The following ENPP1 variants were observed in gnomAD, a reference collection of about 807,000 sequenced individuals.
ENPP1 encodes the protein ectonucleotide pyrophosphatase/phosphodiesterase 1, also known as ectonucleotide pyrophosphatase/phosphodiesterase family member 1.
ENPP1 carries 73 observed loss-of-function variants against 122.8 expected under a neutral mutation model. The observed-to-expected ratio is 0.59, with a 90% CI of 0.49 to 0.72. The LOEUF is 0.72. Ranked by LOEUF, ENPP1 falls within the 30% of genes least tolerant of loss-of-function variation. ENPP1 has a pLI of 0.00. For synonymous variants in ENPP1, 367 were observed against 391.6 expected (o/e 0.94, Z 0.74); for missense variants, 978 against 1,128.1 (o/e 0.87, Z 1.91).
rs1272473347 is a variant in ENPP1, at chr6:131,808,205, A to T, written c.170A>T (p.Glu57Val). The T allele has an allele frequency of 6.6e-7, 1 of 1,509,424 alleles. No individual in the cohort carries two copies. The highest frequency in any genetic ancestry group is 8.9e-7 in the Non-Finnish European group (1 of 1,128,938). 93.5% of individuals were successfully genotyped at this position (1,509,424 alleles called of 1,614,324 possible). A position where few individuals can be genotyped will look rare whatever the true frequency, so the allele number is the denominator to read the frequency against. ...TTGCTGGCCCCTATGGACGTGGGGG[A>T]GGAGCCGCTGGAGAAGGCGGCGCGC... is the stretch of plus-strand genomic sequence containing the variant. ...ASLLAPMDVGEEPLEKAARAR... is the reference protein window; with the variant it reads ...ASLLAPMDVGVEPLEKAARAR... Residue 57 changes from glutamate (E) to valine (V), a missense_variant, in exon 1 of 25, where the codon GAG (glutamate) becomes GTG (valine). Around this residue, in one of 3 missense-constraint regions of ENPP1, gnomAD observed 330 missense variants for 328.5 expected, o/e 1.00. Coordinates refer to ENST00000647893, the MANE Select transcript of ENPP1 (RefSeq NM_006208.3).
At chr6:131,846,488 C>T (rs1562518543) in intron 1 of ENPP1, among the ~76,000 whole-genome samples, 2 of 152,038 alleles carry the variant, frequency 1.3e-5, no homozygotes, top group South Asian at 2.1e-4. Flanking sequence ...GCCATCATTT[C>T]CCCCCCATTC....
Position 131,877,003 on chromosome 6 carries a change from T to G in ENPP1, c.1735T>G (p.Leu579Val), listed in dbSNP as rs144209970. The G allele has an allele frequency of 1.2e-6, 2 of 1,613,980 alleles. No homozygotes were observed. Among genetic ancestry groups the G allele is most frequent in the Non-Finnish European group, 1.7e-6 (2 of 1,179,970 alleles). Reference protein sequence around the residue: ...VYNLMCDLLNLTPAPNNGTHG... With the variant: ...VYNLMCDLLNVTPAPNNGTHG... ...TTGAAATTATGCAGATTTACTGAAT[T>G]TGACACCGGCTCCTAATAACGGAAC... Residue 579 changes from leucine (L) to valine (V), a missense_variant, in exon 18 of 25, where the codon TTG becomes GTG. Coordinates refer to ENST00000647893, the MANE Select transcript of ENPP1 (RefSeq NM_006208.3).
chr6:131,834,696 A>G (rs1781652761), intron 1 of ENPP1, among the ~76,000 whole-genome samples: 1 of 151,134 alleles, frequency 6.6e-6, no homozygotes, highest in African/African-American at 2.4e-5. Flanking sequence ...ACGCCCAGCT[A>G]ATTTTTTTTT....
intron 5 of ENPP1, among the ~76,000 whole-genome samples, chr6:131,852,791 G>A (rs902493400): frequency 1.3e-5 from 2 of 151,768 alleles, no homozygotes; most frequent in Non-Finnish European, 1.5e-5. Flanking sequence ...AGAAAATTTA[G>A]CTTCTTTTTT....
At chr6:131,808,373 C>G in intron 1 of ENPP1, 98 bp downstream of exon 1, 1 of 1,339,640 alleles carries the variant, frequency 7.5e-7, no homozygotes, top group Non-Finnish European at 9.7e-7. Flanking sequence ...CACCGGGCAC[C>G]GGAGAGAGGC....
intron 2 of ENPP1, among the ~76,000 whole-genome samples, chr6:131,849,605 G>A (rs1306634324): frequency 1.3e-5 from 2 of 152,222 alleles, no homozygotes; most frequent in African/African-American, 4.8e-5. Context: ...TGAAATTTTA[G>A]GGAACCCCAT....
chr6:131,864,644 C>T lies in ENPP1; in HGVS notation c.1091+73C>T, dbSNP rs149295210. ...TGATATACTATTTTAAAATAGACTA[C>T]AACAAAACTTTGCTATTTGCTATGA... On this transcript the variant is annotated intron_variant, in intron 10 of 24. Transcript: ENST00000647893. The T allele has an allele frequency of 1.2e-4, 134 of 1,093,600 alleles. 1 individual carries two copies. In the African/African-American group the frequency reaches 1.4e-3, roughly 11 times the overall value. 67.7% of individuals were successfully genotyped at this position (1,093,600 alleles called of 1,614,324 possible).
intron 24 of ENPP1, among the ~76,000 whole-genome samples, chr6:131,888,058 C>T (rs1287311890): frequency 4.6e-5 from 7 of 151,824 alleles, no homozygotes; most frequent in Non-Finnish European, 8.8e-5. Context: ...GATGGGGTTT[C>T]GCCGTGTTGG....
intron 14 of ENPP1, 67 bp from the exon 15 acceptor site, chr6:131,872,856 T>G (rs1782179807): frequency 6.7e-7 from 1 of 1,501,974 alleles, no homozygotes; most frequent in Non-Finnish European, 9.2e-7. Context: ...TATCTTTCCC[T>G]AAAAAAGTTG....
intron 1 of ENPP1, among the ~76,000 whole-genome samples, chr6:131,845,641 T>C (rs1053615050): frequency 6.6e-6 from 1 of 151,980 alleles, no homozygotes; most frequent in Non-Finnish European, 1.5e-5. Context: ...GTATTTTTAG[T>C]AGAGATGGGG....
chr6:131,843,367 T>C (rs1443492247), intron 1 of ENPP1, among the ~76,000 whole-genome samples: 1 of 152,216 alleles, frequency 6.6e-6, no homozygotes, highest in East Asian at 1.9e-4. Context: ...CAAGAACTTC[T>C]TTTTAATAAT....
At chr6:131,845,451 GTTT>G (rs34638422) in intron 1 of ENPP1, among the ~76,000 whole-genome samples, 40 of 133,076 alleles carry the variant, frequency 3.0e-4, no homozygotes, top group Admixed American at 7.6e-4. Context: ...GTTTTGGCTT[GTTT>G]TTTTTTTTTT....
intron 1 of ENPP1, among the ~76,000 whole-genome samples, chr6:131,842,859 A>AT (rs1781759250): frequency 6.6e-6 from 1 of 152,064 alleles, no homozygotes; most frequent in South Asian, 2.1e-4. Flanking sequence ...TATTAATGCC[A>AT]TTGTATTTGA....
chr6:131,811,844 C>A lies in ENPP1; in HGVS notation c.240+3569C>A, dbSNP rs560876577. Among the ~76,000 whole-genome samples, 96 of 152,228 alleles carry A rather than the reference C, an allele frequency of 6.3e-4. No individual in the cohort carries two copies. The Middle Eastern group carries it at 0.01, about 16-fold the overall frequency. On this transcript the variant is annotated intron_variant, in intron 1 of 24. Coordinates refer to ENST00000647893, the MANE Select transcript of ENPP1 (RefSeq NM_006208.3). ...CTCATTTCCTCCTTTTAATAAAAAT[C>A]TTTCTCTTCTTAAAATACTGATGAT...
chr6:131,840,582 C>T (rs1781727968), intron 1 of ENPP1, among the ~76,000 whole-genome samples: 1 of 152,174 alleles, frequency 6.6e-6, no homozygotes, highest in African/African-American at 2.4e-5. Flanking sequence ...CCGCCGAAGG[C>T]TCCTGCCAAC....
At chr6:131,869,904 G>A (rs1000455578) in intron 13 of ENPP1, among the ~76,000 whole-genome samples, 7 of 147,644 alleles carry the variant, frequency 4.7e-5, no homozygotes, top group East Asian at 3.9e-4. Flanking sequence ...TCATTATATC[G>A]CTAAACTAAA....
intron 1 of ENPP1, chr6:131,827,425 T>C (rs1781559057): frequency 1.4e-6 from 1 of 700,164 alleles, no homozygotes; most frequent in Non-Finnish European, 2.6e-6. Context: ...CACCACAGCC[T>C]GTAGGAGGAG....
rs1248886625 is a variant in ENPP1, at chr6:131,854,812, A to G, written c.618-114A>G. ...TGTTAGTTAGTTTTCTTAAGATCAC[A>G]CAGACCTTAGTGGAAAATCTTCACT... On this transcript the variant is annotated intron_variant, in intron 5 of 24. Transcript: ENST00000647893. 2.9e-5 allele frequency: 22 copies of G among 767,210 alleles called. 1 individual carries two copies. The highest frequency in any genetic ancestry group is 2.6e-5 in the Non-Finnish European group (11 of 428,104). The allele number at this position is 767,210 out of a possible 1,614,324, so 47.5% of individuals were successfully genotyped here. A position where few individuals can be genotyped will look rare whatever the true frequency, so the allele number is the denominator to read the frequency against.
intron 5 of ENPP1, 104 bp downstream of exon 5, chr6:131,852,339 T>C: frequency 1.3e-6 from 1 of 755,848 alleles, no homozygotes; most frequent in Non-Finnish European, 2.3e-6. Context: ...CACTGGTTTA[T>C]TAAACATTAC....
Sources: allele counts gnomAD v4.1 joint callset (sites outside exome capture counted in the v4.1 genomes callset), GRCh38; gene constraint gnomAD v4.1.1; regional missense constraint gnomAD v4.1.1; transcripts MANE v1.5; gene names NCBI Gene and HGNC (gene_info 2026-07-23, HGNC 2026-07-21).